The following PAPSS2 variants were observed in gnomAD, a reference collection of about 807,000 sequenced individuals.
PAPSS2 encodes bifunctional 3'-phosphoadenosine 5'-phosphosulfate synthase 2.
In PAPSS2, 61 loss-of-function variants were observed where a neutral mutation model predicts 66.5. The observed-to-expected ratio is 0.92, with a 90% CI of 0.75 to 1.14. PAPSS2 has a LOEUF of 1.14. Among genes scored for constraint, PAPSS2 ranks in the 50% most tolerant of loss-of-function variants. The pLI, the probability that PAPSS2 is intolerant of heterozygous loss-of-function variation, is 0.00. For missense variants in PAPSS2, 708 were observed against 789.6 expected, an observed-to-expected ratio of 0.90 and a Z score of 1.24; for synonymous variants, 289 against 287.5, an observed-to-expected ratio of 1.01 and a Z score of -0.05.
chr10:87,736,234 A>T (rs1013948107), intron 9 of PAPSS2, among the ~76,000 whole-genome samples: 1 of 151,166 alleles, frequency 6.6e-6, no homozygotes, highest in Non-Finnish European at 1.5e-5. Flanking sequence ...AAAAAAACAA[A>T]GGTTGCCATG....
intron 1 of PAPSS2, among the ~76,000 whole-genome samples, chr10:87,698,362 A>G (rs1417406864): frequency 6.6e-6 from 1 of 152,150 alleles, no homozygotes; most frequent in Non-Finnish European, 1.5e-5. Flanking sequence ...TGGTCTGATC[A>G]CAATTTTAAT....
chr10:87,725,912 C>CACACACACACACACACAT (rs1308261707), intron 8 of PAPSS2, among the ~76,000 whole-genome samples: 12 of 151,740 alleles, frequency 7.9e-5, no homozygotes, highest in African/African-American at 2.7e-4. Flanking sequence ...CACACACACA[C>CACACACACACACACACAT]ACATATTTTT....
At chr10:87,689,022 CA>C (rs1339431215) in intron 1 of PAPSS2, among the ~76,000 whole-genome samples, 3 of 151,824 alleles carry the variant, frequency 2.0e-5, no homozygotes, top group African/African-American at 7.3e-5. Context: ...ACATTATTCA[CA>C]AAGTTAAGGA....
At chr10:87,718,653 C>T (rs1481557510) in intron 7 of PAPSS2, among the ~76,000 whole-genome samples, 1 of 151,634 alleles carries the variant, frequency 6.6e-6, no homozygotes, top group East Asian at 2.0e-4. Flanking sequence ...TGTCTGTACT[C>T]AGAAGTGCAG....
intron 2 of PAPSS2, among the ~76,000 whole-genome samples, chr10:87,712,483 G>A (rs1003016004): frequency 6.6e-5 from 10 of 152,104 alleles, no homozygotes; most frequent in East Asian, 5.8e-4. Context: ...ACAAGGCCTC[G>A]CTCTGTTACA....
chr10:87,674,478 T>A (rs1394532973), intron 1 of PAPSS2, among the ~76,000 whole-genome samples: 2 of 152,174 alleles, frequency 1.3e-5, no homozygotes, highest in Non-Finnish European at 2.9e-5. Context: ...AATTTTTTTT[T>A]TATAACTTGT....
intron 1 of PAPSS2, among the ~76,000 whole-genome samples, chr10:87,708,495 A>C (rs563845613): frequency 6.6e-6 from 1 of 152,200 alleles, no homozygotes; most frequent in East Asian, 1.9e-4. Context: ...CTCTATAGGG[A>C]CTGGGGATCA....
chr10:87,736,263 CTTTTTTTTT>C (rs10553485), intron 9 of PAPSS2, among the ~76,000 whole-genome samples: 10 of 103,250 alleles, frequency 9.7e-5, no homozygotes, highest in Non-Finnish European at 1.7e-4. Flanking sequence ...TTCTTTCTTT[CTTTTTTTTT>C]TTTTTTTTTT....
chr10:87,716,500 T>A (rs965108965), intron 7 of PAPSS2, among the ~76,000 whole-genome samples: 5 of 152,200 alleles, frequency 3.3e-5, no homozygotes, highest in African/African-American at 9.6e-5. Flanking sequence ...CCTGAACTTA[T>A]CAAATAAACT....
chr10:87,724,022 G>A (rs1377699822), intron 8 of PAPSS2, among the ~76,000 whole-genome samples: 6 of 151,916 alleles, frequency 3.9e-5, no homozygotes, highest in East Asian at 3.9e-4. Flanking sequence ...ATATTATTTT[G>A]TGTTATACGC....
intron 1 of PAPSS2, among the ~76,000 whole-genome samples, chr10:87,702,643 G>A (rs1006884232): frequency 2.0e-5 from 3 of 152,222 alleles, no homozygotes; most frequent in Admixed American, 1.3e-4. Context: ...AAAGAGAGAA[G>A]TAAAGTGGAT....
intron 1 of PAPSS2, among the ~76,000 whole-genome samples, chr10:87,693,055 T>C (rs995423934): frequency 6.6e-6 from 1 of 152,232 alleles, no homozygotes; most frequent in African/African-American, 2.4e-5. Context: ...AGTAAGTCTC[T>C]AGAAAGGCGT....
intron 1 of PAPSS2, chr10:87,703,753 A>C: frequency 1.9e-6 from 1 of 518,946 alleles, no homozygotes; most frequent in Non-Finnish European, 3.8e-6. Context: ...CTGGGCCAGT[A>C]GTGGGAAGAA....
chr10:87,743,302 C>A, intron 10 of PAPSS2, 71 bp from the exon 11 acceptor site: 1 of 1,466,534 alleles, frequency 6.8e-7, no homozygotes, highest in South Asian at 1.1e-5. Context: ...ATAGCTGTGT[C>A]CTTTCTGTTC....
intron 9 of PAPSS2, among the ~76,000 whole-genome samples, chr10:87,731,354 T>C (rs1341798380): frequency 1.3e-5 from 2 of 152,262 alleles, no homozygotes; most frequent in Non-Finnish European, 2.9e-5. Flanking sequence ...ATATCACTGC[T>C]AATTGACAGT....
chr10:87,670,376 T>C (rs1452275383), intron 1 of PAPSS2, among the ~76,000 whole-genome samples: 5 of 152,220 alleles, frequency 3.3e-5, no homozygotes, highest in Non-Finnish European at 7.3e-5. Context: ...AACCGATCAA[T>C]GAGGAGTGCC....
intron 2 of PAPSS2, among the ~76,000 whole-genome samples, chr10:87,712,721 T>A (rs1313651657): frequency 6.6e-6 from 1 of 152,120 alleles, no homozygotes; most frequent in East Asian, 1.9e-4. Flanking sequence ...CCTCCCAAAA[T>A]GCTGGGATTA....
intron 1 of PAPSS2, among the ~76,000 whole-genome samples, chr10:87,672,421 T>A (rs1421531096): frequency 6.6e-6 from 1 of 152,252 alleles, no homozygotes; most frequent in Non-Finnish European, 1.5e-5. Flanking sequence ...TCTAAAAAAC[T>A]AATATGTGAT....
At chr10:87,695,133 G>A (rs925274888) in intron 1 of PAPSS2, among the ~76,000 whole-genome samples, 3 of 117,252 alleles carry the variant, frequency 2.6e-5, no homozygotes, top group African/African-American at 1.1e-4. Flanking sequence ...ATACCCTGGT[G>A]GCTTATAAAA....
Sources: gnomAD v4.1 joint callset for allele counts (sites outside exome capture counted in the v4.1 genomes callset) on GRCh38, gnomAD v4.1.1 for gene constraint, MANE v1.5 for transcripts, NCBI Gene and HGNC (gene_info 2026-07-23, HGNC 2026-07-21) for gene names.